The following RP1 variants were observed in gnomAD, a reference collection of about 807,000 sequenced individuals.
RP1 encodes RP1 axonemal microtubule associated, also known as oxygen-regulated protein 1.
RP1 carries 16 observed loss-of-function variants against 14.8 expected under a neutral mutation model. That is an observed-to-expected ratio of 1.08 (90% CI 0.73 to 1.65). RP1 has a LOEUF of 1.65. Ranked by LOEUF, RP1 falls within the 40% of genes most tolerant of loss-of-function variation. RP1 has a pLI of 0.00. For synonymous variants in RP1, 876 were observed against 883.6 expected (o/e 0.99, Z 0.15); for missense variants, 2,631 against 2,535.0 (o/e 1.04, Z -0.81).
chr8:54,816,507 A>G (rs991663980), intron 24 of RP1, among the ~76,000 whole-genome samples: 1 of 152,228 alleles, frequency 6.6e-6, no homozygotes. Context: ...TTTCAATCTA[A>G]GAAACTGAGG....
At chr8:54,609,020 G>T (rs1055942281) in intron 1 of RP1, among the ~76,000 whole-genome samples, 1 of 152,174 alleles carries the variant, frequency 6.6e-6, no homozygotes, top group African/African-American at 2.4e-5. Context: ...ATGGGGCTGG[G>T]GATACCCAGG....
In RP1 at chr8:54,783,585, GA is replaced by G. The variant is rs1810241965; in HGVS notation, c.3494del (p.Asn1165MetfsTer76). 8.1e-7 allele frequency: 1 copy of G among 1,231,576 alleles called. No homozygotes were observed. The highest frequency in any genetic ancestry group is 1.6e-5 in the African/African-American group (1 of 64,388). The allele number at this position is 1,231,576 out of a possible 1,614,324, so 76.3% of individuals were successfully genotyped here. A position where few individuals can be genotyped will look rare whatever the true frequency, so the allele number is the denominator to read the frequency against. On this transcript the variant is annotated frameshift_variant, in exon 24 of 29. Transcript: ENST00000637698. LOFTEE classifies it high-confidence loss of function. ...GGTGACCATTGTCACTGGGGATCTTGAAAATGCCGGCACCACGGCAACAGTG... is the reference window on the plus strand; with the variant it reads ...GGTGACCATTGTCACTGGGGATCTTGAAATGCCGGCACCACGGCAACAGTG...
At chr8:54,598,190 C>A (rs1805196595) in intron 1 of RP1, among the ~76,000 whole-genome samples, 1 of 151,824 alleles carries the variant, frequency 6.6e-6, no homozygotes, top group Non-Finnish European at 1.5e-5. Context: ...TTTTTGTTTT[C>A]TATTTTCTCT....
At chr8:54,824,901 A>G (rs1446339497) in intron 24 of RP1, among the ~76,000 whole-genome samples, 1 of 152,212 alleles carries the variant, frequency 6.6e-6, no homozygotes, top group African/African-American at 2.4e-5. Context: ...AAAAATGCGA[A>G]TATCAACTTG....
intron 9 of RP1, among the ~76,000 whole-genome samples, chr8:54,678,974 T>C (rs1484873553): frequency 6.6e-6 from 1 of 152,122 alleles, no homozygotes; most frequent in Non-Finnish European, 1.5e-5. Flanking sequence ...GCAGTGGTGA[T>C]AGATTTGCTT....
chr8:54,837,731 A>G, intron 25 of RP1: 1 of 974,202 alleles, frequency 1.0e-6, no homozygotes, highest in Non-Finnish European at 1.3e-6. Context: ...GATGATTTAG[A>G]ATAGGGGCTG....
rs753662531 is a variant in RP1 at position 54,650,725 on chromosome 8, C to CCCCTT, written c.951+1583_951+1587dup. 6.8e-4 allele frequency among the ~76,000 whole-genome samples: 98 copies of CCCCTT among 143,096 alleles called. 1 individual carries two copies. The highest frequency in any genetic ancestry group is 1.4e-3 in the Non-Finnish European group (89 of 65,698). The allele number at this position is 143,096 out of a possible 152,430, so 93.9% of individuals were successfully genotyped here. A position where few individuals can be genotyped will look rare whatever the true frequency, so the allele number is the denominator to read the frequency against. ...CCCCTCCTCTTCCTTTCCCTTCCCT[C>CCCCTT]CCCTTCCCTTTCCTTTCCTATTTGG... is the stretch of plus-strand genomic sequence containing the variant. On this transcript the variant is annotated intron_variant, in intron 4 of 22. Transcript: ENST00000636932.
In RP1 at chr8:54,627,814, C is replaced by T; in HGVS notation, c.3932C>T (p.Ser1311Phe). 6.2e-7 allele frequency: 1 copy of T among 1,614,132 alleles called. No individual in the cohort carries two copies. The highest frequency in any genetic ancestry group is 8.5e-7 in the Non-Finnish European group (1 of 1,179,970). ...EVCSLTDTVFSDKACAQKENH... is the reference protein window; with the variant it reads ...EVCSLTDTVFFDKACAQKENH... ...TGTTCACTTACTGATACTGTGTTTT[C>T]TGATAAGGCTTGTGCTCAAAAGGAG... is the stretch of plus-strand genomic sequence containing the variant. The change falls in exon 4 of 4, where the codon TCT becomes TTT. Residue 1311 changes from serine to phenylalanine, a missense_variant. By Grantham distance (155) the Ser-to-Phe change is radical. Transcript: ENST00000220676.
chr8:54,825,265 A>C (rs1811361940), intron 24 of RP1, among the ~76,000 whole-genome samples: 1 of 152,172 alleles, frequency 6.6e-6, no homozygotes, highest in Non-Finnish European at 1.5e-5. Context: ...GGTCGCTAAC[A>C]CTATTCTTAA....
At chr8:54,610,134 T>C (rs1243134202) in intron 1 of RP1, among the ~76,000 whole-genome samples, 2 of 152,200 alleles carry the variant, frequency 1.3e-5, no homozygotes, top group Non-Finnish European at 2.9e-5. Context: ...ACAGATAAAC[T>C]TCACATTGCT....
chr8:54,751,046 G>A (rs895121157), intron 19 of RP1, among the ~76,000 whole-genome samples: 2 of 152,142 alleles, frequency 1.3e-5, no homozygotes, highest in African/African-American at 4.8e-5. Flanking sequence ...CTTTGGGTCC[G>A]TGCCATCTTC....
At chr8:54,649,345 G>T (rs1447133813) in intron 4 of RP1, among the ~76,000 whole-genome samples, 2 of 152,080 alleles carry the variant, frequency 1.3e-5, no homozygotes, top group Non-Finnish European at 2.9e-5. Flanking sequence ...TAGCTAGAGA[G>T]AAATACTAGA....
chr8:54,782,614 G>A (rs1376647125), intron 23 of RP1, among the ~76,000 whole-genome samples: 1 of 152,174 alleles, frequency 6.6e-6, no homozygotes, highest in African/African-American at 2.4e-5. Context: ...TGCATGCACT[G>A]CACAGAGTTC....
At chr8:54,615,096 C>A (rs1441107893), upstream of RP1, among the ~76,000 whole-genome samples, 2 of 152,106 alleles carry the variant, frequency 1.3e-5, no homozygotes, top group Non-Finnish European at 2.9e-5. Flanking sequence ...TGTGTGTAGA[C>A]AGTGATAATT....
intron 14 of RP1, among the ~76,000 whole-genome samples, chr8:54,704,849 C>G (rs374679187): frequency 4.2e-4 from 64 of 151,846 alleles, no homozygotes; most frequent in African/African-American, 1.5e-3. Flanking sequence ...CATGTATACA[C>G]ACACACACAT....
At chr8:54,706,952 T>C (rs1002155288) in intron 15 of RP1, among the ~76,000 whole-genome samples, 2 of 152,140 alleles carry the variant, frequency 1.3e-5, no homozygotes, top group African/African-American at 2.4e-5. Flanking sequence ...TGTTTACGTT[T>C]CTAACAAGCT....
At chr8:54,784,894 T>C (rs985606055) in intron 24 of RP1, among the ~76,000 whole-genome samples, 2 of 152,060 alleles carry the variant, frequency 1.3e-5, no homozygotes, top group African/African-American at 4.8e-5. Flanking sequence ...ATTCATATCA[T>C]AACATTCATT....
intron 19 of RP1, among the ~76,000 whole-genome samples, chr8:54,744,016 T>C (rs953116261): frequency 2.0e-5 from 3 of 152,134 alleles, no homozygotes; most frequent in African/African-American, 7.2e-5. Flanking sequence ...ATAAATATAG[T>C]AAAGGTTCTG....
chr8:54,865,663 A>T (rs926935761), intron 27 of RP1, among the ~76,000 whole-genome samples: 3 of 126,198 alleles, frequency 2.4e-5, no homozygotes, highest in Non-Finnish European at 5.1e-5. Context: ...CTGAGTAATT[A>T]GGTTGCTCAC....
Sources: gnomAD v4.1 joint callset for allele counts (sites outside exome capture counted in the v4.1 genomes callset) on GRCh38, gnomAD v4.1.1 for gene constraint, MANE v1.5 for transcripts, NCBI Gene and HGNC (gene_info 2026-07-23, HGNC 2026-07-21) for gene names.